Variants in PPP2R3B observed in about 807,000 individuals in gnomAD.
PPP2R3B encodes the protein serine/threonine-protein phosphatase 2A regulatory subunit B'' subunit beta.
PPP2R3B carries 68 observed loss-of-function variants against 72.9 expected under a neutral mutation model. The ratio of observed to expected loss-of-function variants is 0.93; its 90% confidence interval spans 0.77 to 1.14. The LOEUF is 1.14. Among genes scored for constraint, PPP2R3B ranks in the 50% most tolerant of loss-of-function variants. PPP2R3B has a pLI of 0.00. For synonymous variants in PPP2R3B, 466 were observed against 375.8 expected, an observed-to-expected ratio of 1.24 and a Z score of -2.78; for missense variants, 1,018 against 842.0, an observed-to-expected ratio of 1.21 and a Z score of -2.59.
At chrX:371,591 G>A (rs866065445) in intron 1 of PPP2R3B, among the ~76,000 whole-genome samples, 2 of 152,116 alleles carry the variant, frequency 1.3e-5, no homozygotes, top group East Asian at 1.9e-4. Flanking sequence ...AACGTTGGCC[G>A]TGGAAGGCTG....
intron 1 of PPP2R3B, among the ~76,000 whole-genome samples, chrX:371,582 A>C (rs1351611172): frequency 6.6e-6 from 1 of 152,056 alleles, no homozygotes; most frequent in Non-Finnish European, 1.5e-5. Context: ...GGTGCGGCCA[A>C]CGTTGGCCGT....
chrX:380,365 A>G (rs1223988470), intron 1 of PPP2R3B, among the ~76,000 whole-genome samples: 1 of 152,226 alleles, frequency 6.6e-6, no homozygotes, highest in Non-Finnish European at 1.5e-5. Context: ...CTCAGTGATA[A>G]CATAACCCAA....
At chrX:360,395 ATGG>A (rs1471985079) in intron 2 of PPP2R3B, among the ~76,000 whole-genome samples, 1 of 152,146 alleles carries the variant, frequency 6.6e-6, no homozygotes, top group African/African-American at 2.4e-5. Context: ...TTAGCCAGGC[ATGG>A]TGGTGCATGC....
chrX:338,934 G>C (rs371880071), intron 10 of PPP2R3B, 38 bp from the exon 11 acceptor site: 1 of 1,568,116 alleles, frequency 6.4e-7, no homozygotes, highest in African/African-American at 1.4e-5. Context: ...GCGTGAGCCC[G>C]GTCTCACCTT....
rs1169584197 is a variant in PPP2R3B, at chrX:338,380, G to T, written c.1577+224C>A. 1.1e-5 allele frequency: 7 copies of T among 608,948 alleles called. No individual in the cohort carries two copies. In the African/African-American group the frequency reaches 1.3e-4, roughly 11 times the overall value. 37.7% of individuals were successfully genotyped at this position (608,948 alleles called of 1,614,324 possible). A position where few individuals can be genotyped will look rare whatever the true frequency, so the allele number is the denominator to read the frequency against. On this transcript the variant is annotated intron_variant, in intron 12 of 12. Coordinates refer to ENST00000390665, the MANE Select transcript of PPP2R3B (RefSeq NM_013239.5). ...CCCAGGATCACAGAACCCCACGCGG[G>T]GAATGACGGGCAGACTGCACCGAGG...
intron 7 of PPP2R3B, among the ~76,000 whole-genome samples, chrX:343,803 GAC>G (rs1210231466): frequency 1.3e-4 from 2 of 15,022 alleles, no homozygotes; most frequent in Admixed American, 4.5e-4. Flanking sequence ...TCACCAAGGA[GAC>G]GCGGGAGTGA....
intron 2 of PPP2R3B, among the ~76,000 whole-genome samples, chrX:356,796 C>A (rs2978183): frequency 0.11 from 12,662 of 112,404 alleles, 898 homozygotes; most frequent in African/African-American, 0.19. Context: ...GTGAGCCCCA[C>A]AGTATCCACA....
At chrX:342,219 T>C (rs2071095601) in intron 7 of PPP2R3B, 1 of 577,174 alleles carries the variant, frequency 1.7e-6, no homozygotes. Context: ...AGGTACAGCT[T>C]TCAGACGGAG....
chrX:373,457 G>A (rs1465968889), intron 1 of PPP2R3B: 1 of 152,200 alleles, frequency 6.6e-6, no homozygotes, highest in African/African-American at 2.4e-5. Flanking sequence ...GCCCACGCGG[G>A]GCCGGGAGGG....
chrX:383,754 C>T (rs938093841), intron 1 of PPP2R3B, among the ~76,000 whole-genome samples: 1 of 135,390 alleles, frequency 7.4e-6, no homozygotes, highest in East Asian at 2.5e-4. Flanking sequence ...AGGAGAATGG[C>T]GTGAACCCGG....
intron 1 of PPP2R3B, among the ~76,000 whole-genome samples, chrX:376,815 T>C (rs1266865978): frequency 8.3e-6 from 1 of 121,156 alleles, no homozygotes; most frequent in African/African-American, 3.2e-5. Flanking sequence ...TATACACTAC[T>C]GTATACAGGG....
At chrX:346,889 G>A (rs1267647780) in intron 4 of PPP2R3B, 114 bp from the exon 5 acceptor site, 16 of 1,009,720 alleles carry the variant, frequency 1.6e-5, no homozygotes, top group Middle Eastern at 3.1e-4. Context: ...GTGCGGTGTA[G>A]ACGCCGGCCC....
chrX:344,068 AAC>A (rs1323943036), intron 7 of PPP2R3B, among the ~76,000 whole-genome samples: 10 of 146,066 alleles, frequency 6.8e-5, no homozygotes, highest in East Asian at 2.1e-4. Context: ...AGACGTCGCC[AAC>A]GGGAGGCGGG....
chrX:346,115 G>T, intron 6 of PPP2R3B, 59 bp downstream of exon 6: 2 of 1,248,574 alleles, frequency 1.6e-6, no homozygotes, highest in South Asian at 1.3e-5. Flanking sequence ...AGGGAAGGGA[G>T]TGGAGGTAGG....
chrX:373,653 C>A, intron 1 of PPP2R3B: 2 of 267,300 alleles, frequency 7.5e-6, no homozygotes, highest in South Asian at 6.3e-5. Flanking sequence ...CTCGCGGAGT[C>A]GCATGCCGCC....
At chrX:362,142 C>T (rs1167268025) in intron 1 of PPP2R3B, 14 of 168,994 alleles carry the variant, frequency 8.3e-5, no homozygotes, top group South Asian at 4.3e-4. Context: ...GGTACTGCTG[C>T]GGACACGCCT....
In PPP2R3B at chrX:342,102, C is replaced by G. The variant is rs1306461147; in HGVS notation, c.1037-171G>C. On this transcript the variant is annotated intron_variant, in intron 7 of 12. Coordinates refer to ENST00000390665, the MANE Select transcript of PPP2R3B (RefSeq NM_013239.5). ...TGCACGGCCCATCCTAGGGGCCCAC[C>G]ACGCTTTCCCGTCGAGCAGAGCCAA... 4.1e-6 allele frequency: 3 copies of G among 724,840 alleles called. No homozygotes were observed. In the African/African-American group the frequency reaches 5.3e-5, roughly 13 times the overall value. The allele number at this position is 724,840 out of a possible 1,614,324, so 44.9% of individuals were successfully genotyped here.
intron 4 of PPP2R3B, 40 bp from the exon 5 acceptor site, chrX:346,815 G>C: frequency 6.4e-7 from 1 of 1,569,208 alleles, no homozygotes; most frequent in Non-Finnish European, 8.7e-7. Context: ...TGTAGACGCC[G>C]GCCCTCCCGT....
chrX:346,940 C>T, intron 4 of PPP2R3B, 165 bp from the exon 5 acceptor site: 1 of 256,892 alleles, frequency 3.9e-6, no homozygotes, highest in Non-Finnish European at 6.1e-6. Context: ...CGCCGGCCCT[C>T]CCGTGAGGGA....
Sources: allele counts gnomAD v4.1 joint callset (sites outside exome capture counted in the v4.1 genomes callset), GRCh38; gene constraint gnomAD v4.1.1; transcripts MANE v1.5; gene names NCBI Gene and HGNC (gene_info 2026-07-23, HGNC 2026-07-21).